Variants in FGF12 observed in about 807,000 individuals in gnomAD.
FGF12 encodes the protein fibroblast growth factor 12.
FGF12 carries 14 observed loss-of-function variants against 23.6 expected under a neutral mutation model. The observed-to-expected ratio is 0.59, with a 90% confidence interval of 0.39 to 0.93. The LOEUF is 0.93. FGF12 is among the 40% of genes least tolerant of loss of function. The probability of loss-of-function intolerance (pLI) is 0.00; values close to 1 mark genes in which losing one functional copy is unlikely to be tolerated. For synonymous variants in FGF12, 62 were observed against 77.3 expected (o/e 0.80, Z 1.04); for missense variants, 175 against 217.8 (o/e 0.80, Z 1.24).
At chr3:192,597,032 A>T (rs911589404) in intron 2 of FGF12, among the ~76,000 whole-genome samples, 8 of 152,236 alleles carry the variant, frequency 5.3e-5, no homozygotes, top group Admixed American at 2.0e-4. Flanking sequence ...CCTGTAAAAT[A>T]AAGTATATGT....
At chr3:192,416,380 C>T (rs978579489) in intron 2 of FGF12, among the ~76,000 whole-genome samples, 12 of 152,108 alleles carry the variant, frequency 7.9e-5, no homozygotes, top group Non-Finnish European at 1.3e-4. Context: ...TTACATAAAG[C>T]TACTTCGTCT....
intron 2 of FGF12, among the ~76,000 whole-genome samples, chr3:192,544,215 AT>A (rs1027769676): frequency 4.6e-5 from 7 of 151,478 alleles, no homozygotes; most frequent in South Asian, 4.2e-4. Context: ...AAGCACACAG[AT>A]TTTTTTTTCT....
chr3:192,270,803 G>GGAAA (rs1225862230), intron 4 of FGF12, among the ~76,000 whole-genome samples: 1 of 149,148 alleles, frequency 6.7e-6, no homozygotes, highest in East Asian at 2.3e-4. Context: ...AAGGAAGGAA[G>GGAAA]GAAGGAAGGA....
At chr3:192,591,017 G>T (rs1180784613) in intron 2 of FGF12, among the ~76,000 whole-genome samples, 2 of 151,138 alleles carry the variant, frequency 1.3e-5, no homozygotes, top group African/African-American at 4.9e-5. Flanking sequence ...TCCTCAAGGG[G>T]CCTTGCCTTC....
At chr3:192,351,247 A>G (rs1718206739) in intron 3 of FGF12, among the ~76,000 whole-genome samples, 1 of 152,190 alleles carries the variant, frequency 6.6e-6, no homozygotes, top group Non-Finnish European at 1.5e-5. Flanking sequence ...TTCATTTTAC[A>G]GAGTAGAAAA....
intron 2 of FGF12, among the ~76,000 whole-genome samples, chr3:192,447,370 T>C (rs1722386546): frequency 6.6e-6 from 1 of 152,056 alleles, no homozygotes; most frequent in African/African-American, 2.4e-5. Flanking sequence ...TCTTTAAAGA[T>C]GAAGACGCTC....
intron 2 of FGF12, among the ~76,000 whole-genome samples, chr3:192,592,307 G>A (rs1480126252): frequency 6.6e-6 from 1 of 151,764 alleles, no homozygotes; most frequent in Non-Finnish European, 1.5e-5. Flanking sequence ...TGTCTTTGCT[G>A]GTGTACACTG....
At chr3:192,147,266 C>T (rs907853555) in intron 5 of FGF12, among the ~76,000 whole-genome samples, 3 of 152,106 alleles carry the variant, frequency 2.0e-5, no homozygotes, top group African/African-American at 7.2e-5. Context: ...AGTAATATAT[C>T]TAAGAAGCTG....
intron 5 of FGF12, among the ~76,000 whole-genome samples, chr3:192,161,098 T>C (rs1714843708): frequency 6.6e-6 from 1 of 152,124 alleles, no homozygotes; most frequent in African/African-American, 2.4e-5. Flanking sequence ...TGGTGCATTA[T>C]AGAGTCTAGA....
chr3:192,377,445 G>C (rs1177429532), intron 2 of FGF12, among the ~76,000 whole-genome samples: 1 of 152,100 alleles, frequency 6.6e-6, no homozygotes, highest in Non-Finnish European at 1.5e-5. Flanking sequence ...TTTAATTTTT[G>C]TTGTTATATT....
chr3:192,695,754 T>C (rs1413186326), intron 2 of FGF12, among the ~76,000 whole-genome samples: 5 of 152,162 alleles, frequency 3.3e-5, no homozygotes, highest in African/African-American at 1.2e-4. Flanking sequence ...TTTGCCTACT[T>C]ATTGGGTCAA....
At chr3:192,287,986 G>A (rs976274983) in intron 4 of FGF12, among the ~76,000 whole-genome samples, 1 of 152,058 alleles carries the variant, frequency 6.6e-6, no homozygotes, top group African/African-American at 2.4e-5. Flanking sequence ...CCAAGAAAAT[G>A]TAGTTATTGT....
chr3:192,410,144 AGAGCGCCCAGGTGGGGCC>A (rs1294517744), intron 2 of FGF12, among the ~76,000 whole-genome samples: 3 of 151,800 alleles, frequency 2.0e-5, no homozygotes, highest in Admixed American at 1.3e-4. Flanking sequence ...GAAGAGCGAA[AGAGCGCCCAGGTGGGGCC>A]GAGCTGGGGG....
chr3:192,232,711 C>G (rs1484566335), intron 4 of FGF12, among the ~76,000 whole-genome samples: 1 of 151,996 alleles, frequency 6.6e-6, no homozygotes, highest in Non-Finnish European at 1.5e-5. Context: ...CTACCCTCCA[C>G]CTTCAAATAG....
intron 4 of FGF12, among the ~76,000 whole-genome samples, chr3:192,195,340 A>T (rs144016448): frequency 4.6e-5 from 7 of 152,366 alleles, no homozygotes; most frequent in Non-Finnish European, 1.0e-4. Context: ...TATCGTGTAC[A>T]ACATGATGTT....
At chr3:192,346,697 A>G (rs78748201) in intron 3 of FGF12, among the ~76,000 whole-genome samples, 3,712 of 152,210 alleles carry the variant, frequency 0.024, 152 homozygotes, top group African/African-American at 0.083. Flanking sequence ...TGAAAACTCA[A>G]TCATTTTGTG....
chr3:192,310,506 T>A (rs1715878034), intron 4 of FGF12, among the ~76,000 whole-genome samples: 1 of 152,178 alleles, frequency 6.6e-6, no homozygotes, highest in Non-Finnish European at 1.5e-5. Context: ...ATATTCTCTC[T>A]GATGCAAGGC....
intron 2 of FGF12, among the ~76,000 whole-genome samples, chr3:192,489,481 T>C (rs950756882): frequency 1.3e-5 from 2 of 152,098 alleles, no homozygotes; most frequent in Non-Finnish European, 2.9e-5. Flanking sequence ...AGAACAACAA[T>C]GTGCTTAGTC....
intron 2 of FGF12, among the ~76,000 whole-genome samples, chr3:192,584,020 T>C (rs1163070241): frequency 6.6e-6 from 1 of 152,186 alleles, no homozygotes; most frequent in Admixed American, 6.5e-5. Flanking sequence ...CATGGAATCA[T>C]GGAGTTTAAT....
Sources: gnomAD v4.1 joint callset for allele counts (sites outside exome capture counted in the v4.1 genomes callset) on GRCh38, gnomAD v4.1.1 for gene constraint, MANE v1.5 for transcripts, NCBI Gene and HGNC (gene_info 2026-07-23, HGNC 2026-07-21) for gene names.